The following KCNB2 variants were observed in gnomAD, a reference collection of about 807,000 sequenced individuals.
The protein encoded by KCNB2 is delayed rectifier potassium channel protein.
In KCNB2, 15 loss-of-function variants were observed where a neutral mutation model predicts 61.5. The ratio of observed to expected loss-of-function variants is 0.24; its 90% CI spans 0.16 to 0.38. The LOEUF is 0.38. Ranked by LOEUF, KCNB2 falls within the 10% of genes least tolerant of loss-of-function variation. The pLI is 1.00. For missense variants in KCNB2, 828 were observed against 1,125.2 expected, an observed-to-expected ratio of 0.74 and a Z score of 3.78; for synonymous variants, 457 against 446.0, an observed-to-expected ratio of 1.02 and a Z score of -0.31.
At chr8:72,897,753 G>A (rs1339963321) in intron 2 of KCNB2, among the ~76,000 whole-genome samples, 1 of 152,166 alleles carries the variant, frequency 6.6e-6, no homozygotes, top group Admixed American at 6.6e-5. Flanking sequence ...ATTGCTTGGG[G>A]AGGAGGGATG....
chr8:72,859,156 T>C (rs1266343632), intron 2 of KCNB2, among the ~76,000 whole-genome samples: 1 of 152,182 alleles, frequency 6.6e-6, no homozygotes, highest in Non-Finnish European at 1.5e-5. Flanking sequence ...TTGGTCTCTC[T>C]GGGCCCCTAT....
intron 2 of KCNB2, among the ~76,000 whole-genome samples, chr8:72,840,195 A>G (rs967265333): frequency 3.9e-5 from 6 of 152,068 alleles, no homozygotes; most frequent in African/African-American, 1.4e-4. Flanking sequence ...TTTGCTGAGA[A>G]CGATGGTTTC....
intron 2 of KCNB2, among the ~76,000 whole-genome samples, chr8:72,697,971 T>A (rs1174062906): frequency 6.6e-6 from 1 of 152,078 alleles, no homozygotes; most frequent in Non-Finnish European, 1.5e-5. Flanking sequence ...GCCCTCCAGG[T>A]GATCCTGATG....
intron 2 of KCNB2, among the ~76,000 whole-genome samples, chr8:72,615,895 T>C (rs1016380151): frequency 6.6e-6 from 1 of 152,224 alleles, no homozygotes; most frequent in Non-Finnish European, 1.5e-5. Context: ...GTATCATAAC[T>C]TGCTTTGATA....
intron 2 of KCNB2, among the ~76,000 whole-genome samples, chr8:72,886,261 A>G (rs1340086247): frequency 2.0e-5 from 3 of 152,102 alleles, no homozygotes; most frequent in Non-Finnish European, 4.4e-5. Context: ...TGTTACTCCG[A>G]TCTGCATTGT....
rs529057832 is a variant in KCNB2 at position 72,805,857 on chromosome 8, A to G, written c.580-130078A>G. Among the ~76,000 whole-genome samples, 4 of 152,274 alleles carry G rather than the reference A, an allele frequency of 2.6e-5. No homozygotes were observed. In the South Asian group the frequency reaches 8.3e-4, roughly 32 times the overall value. On this transcript the variant is annotated intron_variant, in intron 2 of 2. Transcript: ENST00000523207. Reference sequence around the variant, plus strand: ...TGCAAAAAGAGACCTGACTACTGGAACCATGTATTAATAATGTCCTTCTCT... The same window carrying G: ...TGCAAAAAGAGACCTGACTACTGGAGCCATGTATTAATAATGTCCTTCTCT...
chr8:72,742,015 A>T (rs933360282), intron 2 of KCNB2, among the ~76,000 whole-genome samples: 4 of 152,230 alleles, frequency 2.6e-5, no homozygotes, highest in Non-Finnish European at 5.9e-5. Context: ...AAAATAAGTC[A>T]CTGTATGAAA....
chr8:72,817,203 TAC>T (rs886447277), intron 2 of KCNB2, among the ~76,000 whole-genome samples: 3 of 152,196 alleles, frequency 2.0e-5, no homozygotes, highest in South Asian at 2.1e-4. Flanking sequence ...TCAATGGTTT[TAC>T]ATTTCTGAAA....
chr8:72,702,737 G>A (rs1807154252), intron 2 of KCNB2, among the ~76,000 whole-genome samples: 1 of 152,208 alleles, frequency 6.6e-6, no homozygotes, highest in Non-Finnish European at 1.5e-5. Flanking sequence ...GTTGTGGTTT[G>A]TTTAAGGGAA....
chr8:72,938,113 T>A lies in KCNB2; in HGVS notation c.*22T>A. 6.5e-7 allele frequency: 1 copy of A among 1,541,624 alleles called. No individual in the cohort carries two copies. On this transcript the variant is annotated 3_prime_UTR_variant, in exon 3 of 3. Transcript: ENST00000523207. Reference sequence around the variant, plus strand: ...GTGACTAGTTACAAAAGCAATAAATTGAAACAAAACAAAACAAAACAAAAC... The same window carrying A: ...GTGACTAGTTACAAAAGCAATAAATAGAAACAAAACAAAACAAAACAAAAC...
At chr8:72,740,766 C>T (rs1807940348) in intron 2 of KCNB2, among the ~76,000 whole-genome samples, 1 of 152,192 alleles carries the variant, frequency 6.6e-6, no homozygotes, top group South Asian at 2.1e-4. Context: ...CTCACAAGAT[C>T]TTATATTTGT....
rs781521472 is a variant in KCNB2 at position 72,936,702 on chromosome 8, C to T, written c.1347C>T (p.Ile449=). ...ALERAKRNGS[I]VSMNLKDAFA... is the part of the protein sequence containing the mutation. The stretch of plus-strand genomic sequence containing the variant: ...AGCGGGCCAAAAGGAACGGAAGCAT[C>T]GTTTCTATGAACTTAAAAGATGCCT... The change falls in exon 3 of 3, where the codon ATC becomes ATT. Residue 449 remains isoleucine (I), a synonymous_variant. Transcript: ENST00000523207. The surrounding 1 kb of genome is among the most constrained non-coding windows in gnomAD (Gnocchi z 5.6). 15 of 1,614,012 alleles carry T rather than the reference C, an allele frequency of 9.3e-6. No homozygotes were observed. Among genetic ancestry groups the T allele is most frequent in the African/African-American group, 5.3e-5 (4 of 74,902 alleles).
rs79227456 is a variant in KCNB2, at chr8:72,624,884, G to T, written c.579+56571G>T. ...CCAGCTGCCATGCTGTGGGCTGCCC[G>T]TGTTGGGAGCCCACCTAGCCAGGAG... On this transcript the variant is annotated intron_variant, in intron 2 of 2. Coordinates refer to ENST00000523207, the MANE Select transcript of KCNB2 (RefSeq NM_004770.3). 4.2e-4 allele frequency among the ~76,000 whole-genome samples: 64 copies of T among 152,324 alleles called. No individual in the cohort carries two copies. In the East Asian group the frequency reaches 9.3e-3, roughly 22 times the overall value.
intron 2 of KCNB2, among the ~76,000 whole-genome samples, chr8:72,822,352 G>A (rs1179286885): frequency 2.6e-5 from 4 of 152,330 alleles, no homozygotes; most frequent in Admixed American, 1.3e-4. Context: ...TCTATGTATC[G>A]AATGACGTGA....
intron 2 of KCNB2, among the ~76,000 whole-genome samples, chr8:72,673,827 G>A (rs893979605): frequency 6.6e-6 from 1 of 152,200 alleles, no homozygotes; most frequent in African/African-American, 2.4e-5. Flanking sequence ...GGGGTACAGA[G>A]TTTCAGTTTG....
At position 72,924,443 on chromosome 8, in the gene KCNB2, T is replaced by C. The variant is rs537616792; in HGVS notation, c.580-11492T>C. On this transcript the variant is annotated intron_variant, in intron 2 of 2. Coordinates refer to ENST00000523207, the MANE Select transcript of KCNB2 (RefSeq NM_004770.3). The stretch of plus-strand genomic sequence containing the variant: ...TGCACATATGAATCATTTGAGAATC[T>C]TGCTAAAATGCAGATTCTGATTCAG... 3.9e-5 allele frequency among the ~76,000 whole-genome samples: 6 copies of C among 152,282 alleles called. No individual in the cohort carries two copies. In the South Asian group the frequency reaches 1.0e-3, roughly 26 times the overall value.
In KCNB2 at chr8:72,927,105, A is replaced by T. The variant is rs1806665898; in HGVS notation, c.580-8830A>T. Among the ~76,000 whole-genome samples the T allele has an allele frequency of 2.6e-5, 4 of 152,148 alleles. No homozygotes were observed. In the South Asian group the frequency reaches 8.3e-4, roughly 31 times the overall value. ...TAGCCTTTCCAGCAAGTTACCACAT[A>T]AAGCCAGTGCTGCTGGAGTGATGTG... On this transcript the variant is annotated intron_variant, in intron 2 of 2. Transcript: ENST00000523207.
intron 2 of KCNB2, among the ~76,000 whole-genome samples, chr8:72,923,376 A>C (rs1424907057): frequency 1.3e-5 from 2 of 152,110 alleles, no homozygotes; most frequent in African/African-American, 4.8e-5. Flanking sequence ...TATGCCAAAG[A>C]TATATGTTTT....
At chr8:72,761,047 G>C (rs1314919124) in intron 2 of KCNB2, among the ~76,000 whole-genome samples, 2 of 152,146 alleles carry the variant, frequency 1.3e-5, no homozygotes, top group Non-Finnish European at 2.9e-5. Context: ...TACAACCTCA[G>C]ATTCTCAAAA....
Sources: gnomAD v4.1 joint callset for allele counts (sites outside exome capture counted in the v4.1 genomes callset) on GRCh38, gnomAD v4.1.1 for gene constraint, Gnocchi (gnomAD v3.1) non-coding constraint, MANE v1.5 for transcripts, NCBI Gene and HGNC (gene_info 2026-07-23, HGNC 2026-07-21) for gene names.